Variants in SMAD6 observed in about 807,000 individuals in gnomAD.
The protein encoded by SMAD6 is SMAD family member 6.
SMAD6 carries 103 observed loss-of-function variants against 39.4 expected under a neutral mutation model. The ratio of observed to expected loss-of-function variants is 2.62; its 90% CI spans 2.23 to 3.08. SMAD6 has a LOEUF of 3.08. Among genes scored for constraint, SMAD6 ranks in the 30% most tolerant of loss-of-function variants. The pLI, the probability that SMAD6 is intolerant of heterozygous loss-of-function variation, is 0.00. For synonymous variants in SMAD6, 445 were observed against 353.3 expected, an observed-to-expected ratio of 1.26 and a Z score of -2.91; for missense variants, 1,104 against 742.9, an observed-to-expected ratio of 1.49 and a Z score of -5.65.
Position 66,703,227 on chromosome 15 carries a change from T to TC in SMAD6, c.-25dup, listed in dbSNP as rs753407272. On this transcript the variant is annotated 5_prime_UTR_variant, in exon 1 of 4. Coordinates refer to ENST00000288840, the MANE Select transcript of SMAD6 (RefSeq NM_005585.5). ...GGACCCCCGGTAACCGGAGACCGCC[T>TC]CCCCCCCACCCCTGGCGCCAAAGGA... The TC allele has an allele frequency of 4.0e-5, 54 of 1,339,160 alleles. No homozygotes were observed. The highest frequency in any genetic ancestry group is 4.6e-5 in the African/African-American group (3 of 64,606). 83.0% of individuals were successfully genotyped at this position (1,339,160 alleles called of 1,614,324 possible).
At chr15:66,762,556 G>C (rs1019795919) in intron 3 of SMAD6, among the ~76,000 whole-genome samples, 33 of 152,126 alleles carry the variant, frequency 2.2e-4, no homozygotes, top group Admixed American at 1.8e-3. Context: ...GGGCACTTTG[G>C]GGGAGGCAGA....
At chr15:66,715,621 G>A (rs895172666) in intron 2 of SMAD6, among the ~76,000 whole-genome samples, 6 of 152,282 alleles carry the variant, frequency 3.9e-5, no homozygotes, top group Middle Eastern at 3.4e-3. Flanking sequence ...TTTCCAAGTC[G>A]GCCTGTCCCA....
intron 3 of SMAD6, among the ~76,000 whole-genome samples, chr15:66,718,377 G>A (rs957819446): frequency 2.6e-5 from 4 of 152,076 alleles, no homozygotes; most frequent in African/African-American, 9.7e-5. Flanking sequence ...TGAGATTTCC[G>A]ACCGGATATC....
At chr15:66,737,608 T>G (rs1479188052) in intron 3 of SMAD6, among the ~76,000 whole-genome samples, 1 of 151,974 alleles carries the variant, frequency 6.6e-6, no homozygotes, top group African/African-American at 2.4e-5. Context: ...AGATCCCCCT[T>G]TCCCACCACT....
intron 3 of SMAD6, among the ~76,000 whole-genome samples, chr15:66,718,524 C>T (rs560286293): frequency 6.6e-6 from 1 of 152,238 alleles, no homozygotes; most frequent in African/African-American, 2.4e-5. Context: ...TTGGGGATTT[C>T]CTATGCCAAG....
intron 3 of SMAD6, among the ~76,000 whole-genome samples, chr15:66,775,046 G>T (rs1375236594): frequency 1.3e-5 from 2 of 151,932 alleles, no homozygotes; most frequent in Non-Finnish European, 2.9e-5. Flanking sequence ...ATTTTTAATA[G>T]AGATGGGGTT....
chr15:66,734,577 G>A (rs776251061), intron 3 of SMAD6, among the ~76,000 whole-genome samples: 11 of 152,188 alleles, frequency 7.2e-5, no homozygotes, highest in Non-Finnish European at 1.5e-5. Context: ...CACCCTATAA[G>A]TTATTTCATT....
rs1294429088 is a variant in SMAD6, at chr15:66,703,254, A to G, written c.-5A>G. On this transcript the variant is annotated 5_prime_UTR_variant, in exon 1 of 4. In the 5' UTR this introduces an upstream ATG that the reference lacks. Transcript: ENST00000288840. Reference sequence around the variant, plus strand: ...CCCCCCACCCCTGGCGCCAAAGGATATCGTATGTTCAGGTCCAAACGCTCG... The same window carrying G: ...CCCCCCACCCCTGGCGCCAAAGGATGTCGTATGTTCAGGTCCAAACGCTCG... The G allele has an allele frequency of 4.2e-6, 6 of 1,431,112 alleles. No homozygotes were observed. Among genetic ancestry groups the G allele is most frequent in the African/African-American group, 1.5e-5 (1 of 66,560 alleles). The allele number at this position is 1,431,112 out of a possible 1,614,324, so 88.7% of individuals were successfully genotyped here.
At chr15:66,762,118 G>A (rs1332606665) in intron 3 of SMAD6, among the ~76,000 whole-genome samples, 1 of 152,158 alleles carries the variant, frequency 6.6e-6, no homozygotes, top group Admixed American at 6.5e-5. Flanking sequence ...TGATGTGAGA[G>A]AAAAAAATAA....
intron 3 of SMAD6, chr15:66,717,300 G>C (rs781614636): frequency 4.9e-5 from 23 of 471,078 alleles, no homozygotes; most frequent in Non-Finnish European, 2.9e-5. Context: ...ATGGCTGTGT[G>C]TCTCCATCTG....
chr15:66,731,007 G>T (rs1353780961), intron 3 of SMAD6, among the ~76,000 whole-genome samples: 2 of 145,356 alleles, frequency 1.4e-5, no homozygotes, highest in African/African-American at 5.6e-5. Context: ...TGTAGAGCTT[G>T]TTGTTTTTGT....
rs866693966 is a variant in SMAD6, at chr15:66,751,636, G to A, written c.953-29361G>A. The stretch of plus-strand genomic sequence containing the variant: ...AAGGTCAATGCAAAGTGTGAAGCCA[G>A]TGGTGGGGAGGAGGTGACTGGCCAT... On this transcript the variant is annotated intron_variant, in intron 3 of 3. Coordinates refer to ENST00000288840, the MANE Select transcript of SMAD6 (RefSeq NM_005585.5). Among the ~76,000 whole-genome samples the A allele has an allele frequency of 2.6e-5, 4 of 152,258 alleles. No individual in the cohort carries two copies. The South Asian group carries it at 8.3e-4, about 31-fold the overall frequency.
At chr15:66,726,138 GC>G (rs1230481619) in intron 3 of SMAD6, among the ~76,000 whole-genome samples, 1 of 152,158 alleles carries the variant, frequency 6.6e-6, no homozygotes, top group Non-Finnish European at 1.5e-5. Flanking sequence ...CTCTGCACCT[GC>G]CCCCCACCCT....
intron 3 of SMAD6, among the ~76,000 whole-genome samples, chr15:66,777,584 T>C (rs1000618787): frequency 6.6e-6 from 1 of 152,164 alleles, no homozygotes; most frequent in African/African-American, 2.4e-5. Flanking sequence ...AAGGAATATA[T>C]GCAGCCCTGG....
chr15:66,743,284 A>G (rs879384727), intron 3 of SMAD6, among the ~76,000 whole-genome samples: 2 of 152,164 alleles, frequency 1.3e-5, no homozygotes, highest in Non-Finnish European at 2.9e-5. Context: ...GCACCCCCCA[A>G]TAAGCCAGTC....
chr15:66,744,003 A>T (rs527974311), intron 3 of SMAD6, among the ~76,000 whole-genome samples: 7 of 151,722 alleles, frequency 4.6e-5, no homozygotes, highest in Non-Finnish European at 8.8e-5. Context: ...TGAGCATCTT[A>T]TGTCTTTGTG....
chr15:66,778,221 C>T (rs1567114975), intron 3 of SMAD6, among the ~76,000 whole-genome samples: 2 of 152,028 alleles, frequency 1.3e-5, no homozygotes, highest in Non-Finnish European at 2.9e-5. Context: ...GCTGGGACTA[C>T]AGATGTACAC....
rs1358701823 is a variant in SMAD6, at chr15:66,782,808, G to A, written c.*1273G>A. 6.6e-6 allele frequency: 1 copy of A among 152,242 alleles called. No individual in the cohort carries two copies. Among genetic ancestry groups the A allele is most frequent in the East Asian group, 1.9e-4 (1 of 5,204 alleles). 9.4% of individuals were successfully genotyped at this position (152,242 alleles called of 1,614,324 possible). A position where few individuals can be genotyped will look rare whatever the true frequency, so the allele number is the denominator to read the frequency against. ...CATATTAAGTGCTCTGAGAAGTCCTGTGTATTATCTCTTGCTGCATAATAA... is the reference window on the plus strand; with the variant it reads ...CATATTAAGTGCTCTGAGAAGTCCTATGTATTATCTCTTGCTGCATAATAA... On this transcript the variant is annotated 3_prime_UTR_variant, in exon 4 of 4. Transcript: ENST00000288840.
chr15:66,705,854 G>C (rs1390430401), intron 1 of SMAD6: 1 of 152,574 alleles, frequency 6.6e-6, no homozygotes, highest in Non-Finnish European at 1.5e-5. Flanking sequence ...TATGTAATAG[G>C]ATGGCATGCA....
Sources: allele counts gnomAD v4.1 joint callset (sites outside exome capture counted in the v4.1 genomes callset), GRCh38; gene constraint gnomAD v4.1.1; transcripts MANE v1.5; gene names NCBI Gene and HGNC (gene_info 2026-07-23, HGNC 2026-07-21).